FHDC1: variants seen among roughly 807,000 people sequenced by gnomAD.
FHDC1 encodes FH2 domain-containing protein 1.
A neutral mutation model predicts 52.6 loss-of-function variants in FHDC1; 25 were observed. That is an observed-to-expected ratio of 0.48 (90% CI 0.35 to 0.66). The LOEUF is 0.66. FHDC1 is among the 30% of genes least tolerant of loss of function. The probability of loss-of-function intolerance (pLI) is 0.01; values close to 1 mark genes in which losing one functional copy is unlikely to be tolerated. For synonymous variants in FHDC1, 616 were observed against 581.5 expected (o/e 1.06, Z -0.85); for missense variants, 1,459 against 1,452.8 (o/e 1.00, Z -0.07).
At chr4:152,964,748 T>C (rs556235877) in intron 8 of FHDC1, among the ~76,000 whole-genome samples, 157 bp from the exon 9 acceptor site, 1 of 152,328 alleles carries the variant, frequency 6.6e-6, no homozygotes, top group African/African-American at 2.4e-5. Flanking sequence ...CTAGCAAATC[T>C]TACTAAGAGT....
intron 1 of FHDC1, among the ~76,000 whole-genome samples, chr4:152,938,142 G>C (rs1345415185): frequency 1.3e-5 from 2 of 151,542 alleles, no homozygotes; most frequent in South Asian, 2.1e-4. Flanking sequence ...GGAAGGAGCA[G>C]CCGGCGCTCC....
chr4:152,937,716 C>G (rs991039148), intron 1 of FHDC1, among the ~76,000 whole-genome samples: 3 of 151,928 alleles, frequency 2.0e-5, no homozygotes, highest in Non-Finnish European at 4.4e-5. Context: ...TCAGCGCGCA[C>G]CGGCGCCCCA....
the FHDC1 span, among the ~76,000 whole-genome samples, chr4:152,924,514 A>T: frequency 1.3e-5 from 2 of 152,192 alleles, no homozygotes; most frequent in Non-Finnish European, 2.9e-5. Context: ...TACTGGGTAT[A>T]TATCCAAAGG....
the FHDC1 span, among the ~76,000 whole-genome samples, chr4:152,929,410 T>C: frequency 2.0e-5 from 3 of 152,160 alleles, no homozygotes; most frequent in Non-Finnish European, 2.9e-5. This position sits in a 1 kb window ranked among gnomAD's most constrained non-coding sequence, Gnocchi z 4.1. Flanking sequence ...CACAAGGGAT[T>C]TCCTTGTGTG....
rs1397182924 is a variant in FHDC1 at position 152,975,703 on chromosome 4, G to T, written c.2412G>T (p.Gly804=). ...GGGACCCGGAGGAAGGCGGGGAAGG[G>T]GATGGCTCCATGTCCTCTGGGGTTG... The part of the protein sequence containing the change: ...RGGDPEEGGE[G]DGSMSSGVGE... The change falls in exon 12 of 12, where the codon GGG becomes GGT. Residue 804 remains glycine, a synonymous_variant. Transcript: ENST00000511601. 1.2e-6 allele frequency: 2 copies of T among 1,611,144 alleles called. No individual in the cohort carries two copies. The highest frequency in any genetic ancestry group is 1.7e-6 in the Non-Finnish European group (2 of 1,178,364).
chr4:152,958,723 T>C (rs766587621), intron 4 of FHDC1, among the ~76,000 whole-genome samples: 2 of 152,214 alleles, frequency 1.3e-5, no homozygotes, highest in Non-Finnish European at 2.9e-5. Flanking sequence ...TGTTCAACTC[T>C]AGCTCAGAAG....
chr4:152,972,233 G>C (rs1740659121), intron 10 of FHDC1, 144 bp from the exon 11 acceptor site: 2 of 755,036 alleles, frequency 2.6e-6, no homozygotes, highest in Non-Finnish European at 2.0e-6. Flanking sequence ...GGCTCTGATT[G>C]CATTGGCCTT....
At chr4:152,957,259 T>C (rs1449038035) in intron 4 of FHDC1, among the ~76,000 whole-genome samples, 1 of 152,212 alleles carries the variant, frequency 6.6e-6, no homozygotes, top group Admixed American at 6.5e-5. Flanking sequence ...AGTGCCCCCA[T>C]GTACCAGGCA....
At chr4:152,971,934 G>A (rs1740651109) in intron 10 of FHDC1, among the ~76,000 whole-genome samples, 1 of 151,870 alleles carries the variant, frequency 6.6e-6, no homozygotes, top group Non-Finnish European at 1.5e-5. Flanking sequence ...GGGCAAAATT[G>A]ATAATGCATC....
the FHDC1 span, among the ~76,000 whole-genome samples, chr4:152,920,091 G>C: frequency 1.3e-5 from 2 of 151,816 alleles, no homozygotes; most frequent in Middle Eastern, 6.8e-3. Context: ...GGATTACAAG[G>C]TGCCTGCCAC....
intron 1 of FHDC1, among the ~76,000 whole-genome samples, chr4:152,937,586 C>G (rs1349594156): frequency 2.6e-5 from 4 of 151,746 alleles, no homozygotes; most frequent in African/African-American, 7.2e-5. Flanking sequence ...GCGGTCGGCG[C>G]TGCGGAAGGC....
At chr4:152,963,277 A>G (rs1490251324) in intron 8 of FHDC1, 147 bp downstream of exon 8, 1 of 675,660 alleles carries the variant, frequency 1.5e-6, no homozygotes, top group Non-Finnish European at 2.5e-6. Context: ...AAGCGCCATT[A>G]GCAGATTCCT....
intron 2 of FHDC1, among the ~76,000 whole-genome samples, chr4:152,944,582 T>G (rs1739672048): frequency 6.6e-6 from 1 of 152,204 alleles, no homozygotes; most frequent in South Asian, 2.1e-4. Context: ...TATTGACCTC[T>G]TTTCTCTTTC....
At chr4:152,928,410 G>T in the FHDC1 span, among the ~76,000 whole-genome samples, 2 of 152,190 alleles carry the variant, frequency 1.3e-5, no homozygotes, top group Non-Finnish European at 2.9e-5. Flanking sequence ...TTCTACTCCA[G>T]TGCAGATGAC....
intron 2 of FHDC1, among the ~76,000 whole-genome samples, chr4:152,952,099 G>A (rs758036524): frequency 2.2e-4 from 33 of 152,096 alleles, no homozygotes; most frequent in Non-Finnish European, 3.8e-4. Flanking sequence ...AAGATTTTTC[G>A]TTTTAAAATT....
rs1361401702 is a variant in FHDC1, at chr4:152,953,597, C to T, written c.560+37C>T. The T allele has an allele frequency of 2.6e-6, 4 of 1,544,466 alleles. No homozygotes were observed. In the Admixed American group the frequency reaches 5.1e-5, roughly 20 times the overall value. On this transcript the variant is annotated intron_variant, in intron 3 of 11. Transcript: ENST00000511601. Reference sequence around the variant, plus strand: ...CACACATTTGAAACTTTAGTCATATCCCTGCTGTCAGCATCAAAGTCTGTG... The same window carrying T: ...CACACATTTGAAACTTTAGTCATATTCCTGCTGTCAGCATCAAAGTCTGTG...
chr4:152,943,044 G>A lies in FHDC1; in HGVS notation c.-14G>A. 1 of 1,594,614 alleles carries A rather than the reference G, an allele frequency of 6.3e-7. No individual in the cohort carries two copies. The highest frequency in any genetic ancestry group is 8.6e-7 in the Non-Finnish European group (1 of 1,167,688). ...CAAGGCCAAGAAATTATCTCCATAG[G>A]AGGCAACAGTACTATGCATGTTATG... On this transcript the variant is annotated 5_prime_UTR_variant, in exon 2 of 12. Coordinates refer to ENST00000511601, the MANE Select transcript of FHDC1 (RefSeq NM_001371116.1).
chr4:152,921,285 A>T, the FHDC1 span, among the ~76,000 whole-genome samples: 7 of 152,108 alleles, frequency 4.6e-5, no homozygotes, highest in East Asian at 3.9e-4. Flanking sequence ...ATATATTTTT[A>T]AAAAATTGGA....
At chr4:152,961,390 A>G (rs1354591882) in intron 6 of FHDC1, among the ~76,000 whole-genome samples, 2 of 152,160 alleles carry the variant, frequency 1.3e-5, no homozygotes, top group Non-Finnish European at 2.9e-5. Context: ...TGAGCTATTT[A>G]AATTTGAGAG....
Sources: allele counts gnomAD v4.1 joint callset (sites outside exome capture counted in the v4.1 genomes callset), GRCh38; gene constraint gnomAD v4.1.1; non-coding constraint Gnocchi (gnomAD v3.1); transcripts MANE v1.5; gene names NCBI Gene and HGNC (gene_info 2026-07-23, HGNC 2026-07-21).